The following CTRC variants were observed in gnomAD, a reference collection of about 807,000 sequenced individuals.
CTRC encodes the protein chymotrypsin C.
Under a neutral mutation model 35.7 loss-of-function variants are expected in CTRC, and 32 were observed. That is an observed-to-expected ratio of 0.90 (90% CI 0.68 to 1.20). CTRC has a LOEUF of 1.20. Ranked by LOEUF, CTRC falls within the 50% of genes most tolerant of loss-of-function variation. The pLI is 0.00. For missense variants in CTRC, 324 were observed against 361.5 expected (o/e 0.90, Z 0.84); for synonymous variants, 119 against 149.5 (o/e 0.80, Z 1.49).
intron 4 of CTRC, 135 bp downstream of exon 4, chr1:15,442,707 T>TGGAGA: frequency 7.7e-7 from 1 of 1,298,110 alleles, no homozygotes. Flanking sequence ...CAAATGACTG[T>TGGAGA]CTTACACAAA....
chr1:15,439,781 AC>A (rs931537647), intron 1 of CTRC, among the ~76,000 whole-genome samples: 25 of 152,152 alleles, frequency 1.6e-4, no homozygotes, highest in Non-Finnish European at 2.5e-4. Flanking sequence ...TGCTCTTATC[AC>A]CCAGGATGGA....
intron 4 of CTRC, 85 bp from the exon 5 acceptor site, chr1:15,443,334 C>G: frequency 1.3e-6 from 2 of 1,568,540 alleles, no homozygotes; most frequent in South Asian, 1.1e-5. Flanking sequence ...GGGCCTGACT[C>G]CCAACTCACA....
In CTRC at chr1:15,447,239, C is replaced by T. The variant is rs1708236131; in HGVS notation, c.*650C>T. 5.6e-6 allele frequency: 1 copy of T among 177,542 alleles called. No individual in the cohort carries two copies. The highest frequency in any genetic ancestry group is 1.2e-5 in the Non-Finnish European group (1 of 83,018). The allele number at this position is 177,542 out of a possible 1,614,324, so 11.0% of individuals were successfully genotyped here. On this transcript the variant is annotated 3_prime_UTR_variant, in exon 8 of 8. Coordinates refer to ENST00000375949, the MANE Select transcript of CTRC (RefSeq NM_007272.3). ...GTGTTTAGTGAGCCAGCCCCTGTGT[C>T]CAGTCCTGTGCTGGGCATGATGAGG...
At chr1:15,441,750 T>C (rs1211486717) in intron 3 of CTRC, among the ~76,000 whole-genome samples, 1 of 151,786 alleles carries the variant, frequency 6.6e-6, no homozygotes, top group Non-Finnish European at 1.5e-5. Flanking sequence ...CATGGTTCAC[T>C]GTAGCCTTGA....
rs373476053 is a variant in CTRC at position 15,446,903 on chromosome 1, C to A, written c.*314C>A. On this transcript the variant is annotated 3_prime_UTR_variant, in exon 8 of 8. Coordinates refer to ENST00000375949, the MANE Select transcript of CTRC (RefSeq NM_007272.3). The stretch of plus-strand genomic sequence containing the variant: ...AGCCGGAGGGGATGGGAGTGAAGGA[C>A]GCATCAGACACCTTCCCCGCTCCAT... The A allele has an allele frequency of 3.3e-3, 1,661 of 507,516 alleles. 7 individuals carry two copies. The highest frequency in any genetic ancestry group is 4.9e-3 in the Non-Finnish European group (1,369 of 278,822). The allele number at this position is 507,516 out of a possible 1,614,324, so 31.4% of individuals were successfully genotyped here.
intron 4 of CTRC, among the ~76,000 whole-genome samples, chr1:15,442,845 T>A (rs550824880): frequency 6.6e-6 from 1 of 152,122 alleles, no homozygotes; most frequent in Admixed American, 6.6e-5. Flanking sequence ...CTCACCTTTA[T>A]TGAGTTCCTA....
rs1167026408 is a variant in CTRC, at chr1:15,440,585, C to A, written c.225C>A (p.Cys75Ter). The A allele has an allele frequency of 1.2e-6, 2 of 1,613,838 alleles. No homozygotes were observed. Among genetic ancestry groups the A allele is most frequent in the Non-Finnish European group, 1.7e-6 (2 of 1,179,792 alleles). ...ASNFVLTAAH[C>*]ISNTRTYRVA... ...ACTTCGTCCTCACTGCCGCCCACTG[C>A]ATCAGGTGTGCGGGGATGATACCCT... Residue 75 changes from cysteine (C) to a stop codon, truncating the protein, a stop_gained, in exon 3 of 8, where the codon TGC becomes TGA. Transcript: ENST00000375949. LOFTEE classifies it high-confidence loss of function.
In CTRC at chr1:15,440,266, A is replaced by C. The variant is rs199910599; in HGVS notation, c.41-34A>C. 1.0e-5 allele frequency: 8 copies of C among 788,178 alleles called. No individual in the cohort carries two copies. In the African/African-American group the frequency reaches 1.5e-4, roughly 14 times the overall value. The allele number at this position is 788,178 out of a possible 1,614,324, so 48.8% of individuals were successfully genotyped here. Reference sequence around the variant, plus strand: ...CCTTTCCCCGTGGGCTACCAGCCCTATTCACTGGTTCTTCTGGCCTCCTGT... The same window carrying C: ...CCTTTCCCCGTGGGCTACCAGCCCTCTTCACTGGTTCTTCTGGCCTCCTGT... On this transcript the variant is annotated intron_variant, in intron 1 of 7. Coordinates refer to ENST00000375949, the MANE Select transcript of CTRC (RefSeq NM_007272.3).
At position 15,446,853 on chromosome 1, in the gene CTRC, G is replaced by T. The variant is rs1708229852; in HGVS notation, c.*264G>T. ...TTAATGGGAGGCAGGGGGCTGGGGT[G>T]GAGAGCCCAGGGAGTCCTGCGTGAA... On this transcript the variant is annotated 3_prime_UTR_variant, in exon 8 of 8. Transcript: ENST00000375949. 5.1e-6 allele frequency: 3 copies of T among 590,422 alleles called. No homozygotes were observed. Among genetic ancestry groups the T allele is most frequent in the Admixed American group, 2.7e-5 (1 of 37,216 alleles). The allele number at this position is 590,422 out of a possible 1,614,324, so 36.6% of individuals were successfully genotyped here.
At chr1:15,440,226 G>GGGGCCCCCC in intron 1 of CTRC, 74 bp from the exon 2 acceptor site, 3 of 523,580 alleles carry the variant, frequency 5.7e-6, no homozygotes, top group Non-Finnish European at 3.7e-6. Flanking sequence ...TCTTCCACCT[G>GGGGCCCCCC]CCCACCCTCC....
At chr1:15,444,879 G>T (rs754794917) in intron 6 of CTRC, 128 bp downstream of exon 6, 121 of 1,219,658 alleles carry the variant, frequency 9.9e-5, no homozygotes, top group Non-Finnish European at 1.4e-4. Flanking sequence ...GGCCCAGCAG[G>T]CTCAGGGTAA....
intron 4 of CTRC, 131 bp from the exon 5 acceptor site, chr1:15,443,288 C>A: frequency 1.0e-6 from 1 of 985,860 alleles, no homozygotes; most frequent in Non-Finnish European, 1.6e-6. Flanking sequence ...AAGAAGCTGG[C>A]AGTCAGGATG....
In CTRC at chr1:15,443,514, A is replaced by G. The variant is rs1031842050; in HGVS notation, c.452A>G (p.Lys151Arg). The G allele has an allele frequency of 1.3e-5, 21 of 1,614,204 alleles. No homozygotes were observed. The highest frequency in any genetic ancestry group is 1.7e-5 in the Non-Finnish European group (20 of 1,180,034). The change falls in exon 5 of 8, where the codon AAG becomes AGG. Residue 151 changes from lysine (K) to arginine (R), a missense_variant. Transcript: ENST00000375949. Reference sequence around the variant, plus strand: ...CCAGAGAAGGACTCCCTGCTCCCCAAGGACTACCCCTGCTATGTCACCGGC... The same window carrying G: ...CCAGAGAAGGACTCCCTGCTCCCCAGGGACTACCCCTGCTATGTCACCGGC... ...CLPEKDSLLP[K>R]DYPCYVTGWG...
At chr1:15,442,609 G>A (rs759265260) in intron 4 of CTRC, 37 bp downstream of exon 4, 4 of 1,613,018 alleles carry the variant, frequency 2.5e-6, no homozygotes, top group Admixed American at 1.7e-5. Flanking sequence ...GCCACTGGGG[G>A]CAGTGTGGAA....
chr1:15,444,690 G>T lies in CTRC; in HGVS notation c.578G>T (p.Gly193Val), dbSNP rs763493344. The change falls in exon 6 of 8, where the codon GGC becomes GTC. Residue 193 changes from glycine to valine, a missense_variant. Transcript: ENST00000375949. ...ACGTGCTCCAGGATTGACTGGTGGGGCTTCAGGGTGAAGAAAACCATGGTG... is the reference window on the plus strand; with the variant it reads ...ACGTGCTCCAGGATTGACTGGTGGGTCTTCAGGGTGAAGAAAACCATGGTG... Reference protein sequence around the residue: ...HATCSRIDWWGFRVKKTMVCA... With the variant: ...HATCSRIDWWVFRVKKTMVCA... 6.2e-7 allele frequency: 1 copy of T among 1,614,236 alleles called. No homozygotes were observed. The highest frequency in any genetic ancestry group is 1.1e-5 in the South Asian group (1 of 91,088).
At position 15,442,444 on chromosome 1, in the gene CTRC, C is replaced by T. The variant is rs1204433789; in HGVS notation, c.231-3C>T. On this transcript the variant is annotated splice_region_variant and splice_polypyrimidine_tract_variant and intron_variant, in intron 3 of 7. Coordinates refer to ENST00000375949, the MANE Select transcript of CTRC (RefSeq NM_007272.3). ...CCTGACCTGGACCCCTTCCTCTGCC[C>T]AGCAACACCCGGACCTACCGTGTGG... 1.2e-6 allele frequency: 2 copies of T among 1,610,602 alleles called. No individual in the cohort carries two copies. The highest frequency in any genetic ancestry group is 1.7e-6 in the Non-Finnish European group (2 of 1,178,356).
intron 5 of CTRC, 107 bp from the exon 6 acceptor site, chr1:15,444,499 G>C: frequency 1.4e-6 from 2 of 1,388,224 alleles, no homozygotes; most frequent in Non-Finnish European, 1.0e-6. Context: ...TGTCTCAGCC[G>C]GCGCTCCCCT....
At chr1:15,440,807 G>A (rs928971592) in intron 3 of CTRC, among the ~76,000 whole-genome samples, 1 of 152,214 alleles carries the variant, frequency 6.6e-6, no homozygotes, top group African/African-American at 2.4e-5. Flanking sequence ...CTCTCGGGAA[G>A]CTTATATTTT....
At chr1:15,444,542 C>G (rs1557510213) in intron 5 of CTRC, 64 bp from the exon 6 acceptor site, 1 of 1,606,106 alleles carries the variant, frequency 6.2e-7, no homozygotes, top group Non-Finnish European at 8.5e-7. Context: ...TCCCTGAAGG[C>G]CTGGGGAGGG....
Sources: gnomAD v4.1 joint callset for allele counts (sites outside exome capture counted in the v4.1 genomes callset) on GRCh38, gnomAD v4.1.1 for gene constraint, MANE v1.5 for transcripts, NCBI Gene and HGNC (gene_info 2026-07-23, HGNC 2026-07-21) for gene names.